SMYD3: variants seen among roughly 807,000 people sequenced by gnomAD.
The protein encoded by SMYD3 is histone-lysine N-methyltransferase SMYD3.
SMYD3 carries 36 observed loss-of-function variants against 57.7 expected under a neutral mutation model. The observed-to-expected ratio is 0.62, with a 90% CI of 0.48 to 0.82. The LOEUF is 0.82. Ranked by LOEUF, SMYD3 falls within the 40% of genes least tolerant of loss-of-function variation. SMYD3 has a pLI of 0.00. For synonymous variants in SMYD3, 211 were observed against 195.0 expected, an observed-to-expected ratio of 1.08 and a Z score of -0.68; for missense variants, 515 against 538.8, an observed-to-expected ratio of 0.96 and a Z score of 0.44.
Position 246,203,876 on chromosome 1 carries a change from C to T in SMYD3, c.531+123325G>A, listed in dbSNP as rs1225190721. Among the ~76,000 whole-genome samples, 1 of 152,144 alleles carries T rather than the reference C, an allele frequency of 6.6e-6. No individual in the cohort carries two copies. Among genetic ancestry groups the T allele is most frequent in the East Asian group, 1.9e-4 (1 of 5,192 alleles). ...AACCCACTCCTAGTCCAGATCTTCC[C>T]CCTGTCCTATCTAGCTGCTTCCCAT... On this transcript the variant is annotated intron_variant, in intron 5 of 11. Coordinates refer to ENST00000490107, the MANE Select transcript of SMYD3 (RefSeq NM_001167740.2). The surrounding 1 kb of genome is among the most constrained non-coding windows in gnomAD (Gnocchi z 4.6).
intron 1 of SMYD3, among the ~76,000 whole-genome samples, chr1:246,480,792 G>C (rs374594694): frequency 1.6e-4 from 25 of 151,854 alleles, no homozygotes; most frequent in Non-Finnish European, 3.2e-4. Flanking sequence ...TTTTTCAAAA[G>C]ATCTTTTTTT....
intron 5 of SMYD3, among the ~76,000 whole-genome samples, chr1:245,996,134 C>T (rs943158101): frequency 6.6e-6 from 1 of 152,156 alleles, no homozygotes; most frequent in Non-Finnish European, 1.5e-5. Flanking sequence ...TTCATAAATA[C>T]ATATAGAGAA....
chr1:246,107,122 C>T lies in SMYD3; in HGVS notation c.532-177185G>A, dbSNP rs1353558002. ...AGACCACGGTGAAACCCCGTCTCTA[C>T]TAAAAATACAAAAAATTAGCCAGGC... On this transcript the variant is annotated intron_variant, in intron 5 of 11. Transcript: ENST00000490107. Among the ~76,000 whole-genome samples, 6 of 127,566 alleles carry T rather than the reference C, an allele frequency of 4.7e-5. No individual in the cohort carries two copies. In the East Asian group the frequency reaches 1.9e-3, roughly 40 times the overall value. 83.7% of individuals were successfully genotyped at this position (127,566 alleles called of 152,430 possible).
chr1:246,159,719 G>A (rs1268554649), intron 5 of SMYD3, among the ~76,000 whole-genome samples: 1 of 152,188 alleles, frequency 6.6e-6, no homozygotes, highest in Non-Finnish European at 1.5e-5. Flanking sequence ...AGAAGACCAG[G>A]GTGTAGGAGT....
intron 5 of SMYD3, among the ~76,000 whole-genome samples, chr1:245,944,689 C>A (rs924360992): frequency 1.3e-5 from 2 of 152,174 alleles, no homozygotes; most frequent in Non-Finnish European, 2.9e-5. Context: ...CCAAGACAAT[C>A]CTAAGCAAAA....
In SMYD3 at chr1:245,817,220, C is replaced by T. The variant is rs555440390; in HGVS notation, c.1076+41276G>A. Among the ~76,000 whole-genome samples, 9 of 146,222 alleles carry T rather than the reference C, an allele frequency of 6.2e-5. No individual in the cohort carries two copies. In the South Asian group the frequency reaches 6.7e-4, roughly 11 times the overall value. ...GATCTGAGAACGGGCAGACTGCCTCCTCAAGTGGGTCCCTGACCCCTGACC... is the reference window on the plus strand; with the variant it reads ...GATCTGAGAACGGGCAGACTGCCTCTTCAAGTGGGTCCCTGACCCCTGACC... On this transcript the variant is annotated intron_variant, in intron 10 of 11. Transcript: ENST00000490107.
intron 5 of SMYD3, among the ~76,000 whole-genome samples, chr1:246,194,319 G>A (rs1408118019): frequency 6.6e-6 from 1 of 151,488 alleles, no homozygotes; most frequent in African/African-American, 2.4e-5. Flanking sequence ...CCAGGCTGGA[G>A]TGCAGTAGTG....
At chr1:246,311,655 G>A (rs960304641) in intron 5 of SMYD3, among the ~76,000 whole-genome samples, 3 of 152,092 alleles carry the variant, frequency 2.0e-5, no homozygotes, top group African/African-American at 4.8e-5. Context: ...ATACACACAC[G>A]CGCACGCGCG....
chr1:246,408,119 G>A (rs562013664), intron 1 of SMYD3, among the ~76,000 whole-genome samples: 19 of 151,746 alleles, frequency 1.3e-4, no homozygotes, highest in African/African-American at 2.2e-4. Flanking sequence ...TTACCTCCCC[G>A]AAGCACCACC....
At chr1:246,173,170 CTG>C (rs1460069924) in intron 5 of SMYD3, among the ~76,000 whole-genome samples, 42 of 151,662 alleles carry the variant, frequency 2.8e-4, no homozygotes, top group Non-Finnish European at 5.9e-5. Flanking sequence ...ACTATCCACA[CTG>C]TACGCTTAGG....
intron 10 of SMYD3, among the ~76,000 whole-genome samples, chr1:245,807,157 A>C (rs912687003): frequency 1.3e-5 from 2 of 152,058 alleles, no homozygotes; most frequent in Non-Finnish European, 2.9e-5. Flanking sequence ...GTCCTGCTGC[A>C]GGCGGGCTAC....
In SMYD3 at chr1:245,749,621, A is replaced by G; in HGVS notation, c.1229T>C (p.Leu410Pro). 6.2e-7 allele frequency: 1 copy of G among 1,614,184 alleles called. No individual in the cohort carries two copies. Among genetic ancestry groups the G allele is most frequent in the Non-Finnish European group, 8.5e-7 (1 of 1,180,020 alleles). ...TAAAAGTAGAATCAAATCTTCAATCAGGCTGTGTTCTCTGCCATGTGTCAC... is the reference window on the plus strand; with the variant it reads ...TAAAAGTAGAATCAAATCTTCAATCGGGCTGTGTTCTCTGCCATGTGTCAC... ...MRVTHGREHS[L>P]IEDLILLLEE... Residue 410 changes from leucine to proline, a missense_variant, in exon 12 of 12, where the codon CTG (leucine) becomes CCG (proline). By Grantham distance (98) the Leu-to-Pro change is moderately conservative. Coordinates refer to ENST00000490107, the MANE Select transcript of SMYD3 (RefSeq NM_001167740.2).
intron 5 of SMYD3, among the ~76,000 whole-genome samples, chr1:246,105,235 G>GCA (rs200755046): frequency 0.018 from 2,492 of 140,810 alleles, 74 homozygotes; most frequent in African/African-American, 0.065. Context: ...TTGCTAAAAT[G>GCA]CACAGATGGG....
intron 5 of SMYD3, among the ~76,000 whole-genome samples, chr1:245,946,417 G>A (rs563923071): frequency 2.0e-5 from 3 of 152,232 alleles, no homozygotes; most frequent in African/African-American, 7.2e-5. Flanking sequence ...TGTTGTCCAT[G>A]AGAGGAACAT....
At chr1:246,142,472 T>C (rs959464433) in intron 5 of SMYD3, among the ~76,000 whole-genome samples, 7 of 152,106 alleles carry the variant, frequency 4.6e-5, no homozygotes, top group African/African-American at 1.7e-4. Context: ...GGAGCATTAT[T>C]AAGTCAAATA....
chr1:246,471,398 T>C (rs1483309291), intron 1 of SMYD3, among the ~76,000 whole-genome samples: 2 of 152,158 alleles, frequency 1.3e-5, no homozygotes, highest in Admixed American at 6.5e-5. Context: ...GGTCTTGCCA[T>C]GTTGCCCAGC....
At chr1:245,805,383 A>G (rs1284620801) in intron 10 of SMYD3, among the ~76,000 whole-genome samples, 2 of 152,248 alleles carry the variant, frequency 1.3e-5, no homozygotes, top group Non-Finnish European at 2.9e-5. Flanking sequence ...TTATTAGATG[A>G]AAGTTACTAG....
At chr1:245,966,257 G>T (rs756545480) in intron 5 of SMYD3, among the ~76,000 whole-genome samples, 1 of 151,906 alleles carries the variant, frequency 6.6e-6, no homozygotes, top group Non-Finnish European at 1.5e-5. Context: ...CTGTAACCTC[G>T]AATTCCTAGG....
intron 1 of SMYD3, among the ~76,000 whole-genome samples, chr1:246,397,336 G>T (rs1183834925): frequency 1.3e-5 from 2 of 152,124 alleles, no homozygotes; most frequent in African/African-American, 4.8e-5. Context: ...TCCAGTCTGT[G>T]GAAAAATGAT....
Sources: allele counts gnomAD v4.1 joint callset (sites outside exome capture counted in the v4.1 genomes callset), GRCh38; gene constraint gnomAD v4.1.1; non-coding constraint Gnocchi (gnomAD v3.1); transcripts MANE v1.5; gene names NCBI Gene and HGNC (gene_info 2026-07-23, HGNC 2026-07-21).